The following STX18 variants were observed in gnomAD, a reference collection of about 807,000 sequenced individuals.
STX18 encodes the protein syntaxin-18.
STX18 carries 40 observed loss-of-function variants against 50.1 expected under a neutral mutation model. The ratio of observed to expected loss-of-function variants is 0.80; its 90% CI spans 0.62 to 1.04. STX18 has a LOEUF of 1.04. STX18 is among the 50% of genes least tolerant of loss of function. STX18 has a pLI of 0.00. For missense variants in STX18, 410 were observed against 415.8 expected (o/e 0.99, Z 0.12); for synonymous variants, 158 against 151.8 (o/e 1.04, Z -0.30).
At chr4:4,519,139 T>C (rs1244786300) in intron 1 of STX18, among the ~76,000 whole-genome samples, 1 of 152,164 alleles carries the variant, frequency 6.6e-6, no homozygotes, top group Non-Finnish European at 1.5e-5. Context: ...CACATTATTT[T>C]CTTGAAAATT....
chr4:4,466,908 T>C (rs1727645606), intron 2 of STX18, among the ~76,000 whole-genome samples: 1 of 152,056 alleles, frequency 6.6e-6, no homozygotes, highest in Admixed American at 6.6e-5. Flanking sequence ...AAAGCCAGTT[T>C]GGTGGGCAGG....
intron 5 of STX18, 112 bp downstream of exon 5, chr4:4,457,079 C>T (rs965336140): frequency 2.8e-5 from 28 of 1,010,926 alleles, no homozygotes; most frequent in South Asian, 1.7e-4. Context: ...TGGCATTTTG[C>T]GAAGAAGTTC....
chr4:4,449,589 G>C (rs1276926778), intron 5 of STX18, among the ~76,000 whole-genome samples: 2 of 152,180 alleles, frequency 1.3e-5, no homozygotes, highest in African/African-American at 4.8e-5. Context: ...TTCTTTGGCA[G>C]AAATCACAAA....
At chr4:4,523,369 A>C (rs766878249) in intron 1 of STX18, among the ~76,000 whole-genome samples, 2 of 152,120 alleles carry the variant, frequency 1.3e-5, no homozygotes, top group Non-Finnish European at 2.9e-5. Context: ...TCTTTCCTCA[A>C]GGCTTCAATC....
chr4:4,449,011 C>T (rs1577332319), intron 5 of STX18, among the ~76,000 whole-genome samples: 1 of 148,938 alleles, frequency 6.7e-6, no homozygotes, highest in Non-Finnish European at 1.5e-5. Context: ...AATATTATTA[C>T]ATTACTTCCA....
chr4:4,500,632 T>C (rs1406702615), intron 1 of STX18, among the ~76,000 whole-genome samples: 1 of 152,244 alleles, frequency 6.6e-6, no homozygotes, highest in Non-Finnish European at 1.5e-5. Context: ...AACCATATTA[T>C]ATGTAATTCC....
chr4:4,541,399 A>G (rs1288536904), intron 1 of STX18, among the ~76,000 whole-genome samples: 1 of 152,178 alleles, frequency 6.6e-6, no homozygotes, highest in Non-Finnish European at 1.5e-5. Context: ...AGACAAGTAA[A>G]TAGAACAGGC....
intron 1 of STX18, among the ~76,000 whole-genome samples, chr4:4,502,768 G>A (rs1286058686): frequency 1.3e-5 from 2 of 152,172 alleles, no homozygotes; most frequent in African/African-American, 4.8e-5. Flanking sequence ...GGGAACTGAT[G>A]TCTAGGTCCC....
intron 1 of STX18, among the ~76,000 whole-genome samples, chr4:4,517,277 C>A (rs770184468): frequency 4.6e-5 from 7 of 152,142 alleles, no homozygotes; most frequent in African/African-American, 7.2e-5. Context: ...ATTTTCTATT[C>A]CCAAAATTTA....
intron 2 of STX18, among the ~76,000 whole-genome samples, chr4:4,468,919 G>A (rs570766623): frequency 7.2e-5 from 11 of 152,102 alleles, no homozygotes; most frequent in African/African-American, 2.4e-4. Context: ...CTATGGTAAC[G>A]TCACACAATG....
At chr4:4,439,758 C>T (rs928708499) in intron 5 of STX18, among the ~76,000 whole-genome samples, 4 of 152,126 alleles carry the variant, frequency 2.6e-5, no homozygotes, top group Non-Finnish European at 4.4e-5. Context: ...ACTGAGTCCT[C>T]TGCACTTGGC....
intron 1 of STX18, among the ~76,000 whole-genome samples, chr4:4,504,246 A>AT (rs544914606): frequency 3.6e-4 from 54 of 151,598 alleles, no homozygotes; most frequent in Non-Finnish European, 6.5e-4. Flanking sequence ...GAGATTACTT[A>AT]TTTTTTTTTC....
At chr4:4,537,730 T>C (rs1401875201) in intron 1 of STX18, among the ~76,000 whole-genome samples, 1 of 152,214 alleles carries the variant, frequency 6.6e-6, no homozygotes, top group Non-Finnish European at 1.5e-5. Flanking sequence ...CTTTATAAGG[T>C]TGCTATTACT....
chr4:4,437,648 T>C (rs1222421590), intron 6 of STX18: 2 of 984,948 alleles, frequency 2.0e-6, no homozygotes, highest in African/African-American at 3.5e-5. Flanking sequence ...AGAACTGCCA[T>C]GAGACTACGG....
chr4:4,446,979 T>C (rs996694071), intron 5 of STX18, among the ~76,000 whole-genome samples: 2 of 152,150 alleles, frequency 1.3e-5, no homozygotes, highest in Non-Finnish European at 2.9e-5. Context: ...ATAGCAAGGG[T>C]AAGTCTCAAA....
At chr4:4,542,299 G>A, upstream of STX18, 1 of 229,810 alleles carries the variant, frequency 4.4e-6, no homozygotes, top group East Asian at 9.1e-5. Context: ...CGTGAGGACC[G>A]GGAAGCTAGG....
chr4:4,475,866 C>T (rs1728150041), intron 1 of STX18, among the ~76,000 whole-genome samples: 1 of 152,152 alleles, frequency 6.6e-6, no homozygotes, highest in South Asian at 2.1e-4. Flanking sequence ...AGTGATCCTC[C>T]CCCCTTGGCC....
At chr4:4,473,384 C>T (rs1243751844) in intron 1 of STX18, among the ~76,000 whole-genome samples, 1 of 151,516 alleles carries the variant, frequency 6.6e-6, no homozygotes, top group Non-Finnish European at 1.5e-5. Context: ...GCTCCACCTC[C>T]CAAGTTCACG....
intron 1 of STX18, among the ~76,000 whole-genome samples, chr4:4,482,925 A>G (rs1431230082): frequency 1.3e-5 from 2 of 152,242 alleles, no homozygotes; most frequent in South Asian, 2.1e-4. Context: ...AGTATAATCA[A>G]TAGCTAAATA....
Sources: allele counts gnomAD v4.1 joint callset (sites outside exome capture counted in the v4.1 genomes callset), GRCh38; gene constraint gnomAD v4.1.1; transcripts MANE v1.5; gene names NCBI Gene and HGNC (gene_info 2026-07-23, HGNC 2026-07-21).